The following SPAG16 variants were observed in gnomAD, a reference collection of about 807,000 sequenced individuals.
SPAG16 encodes the protein sperm associated antigen 16.
In SPAG16, 86 loss-of-function variants were observed where a neutral mutation model predicts 80.4. That is an observed-to-expected ratio of 1.07 (90% CI 0.90 to 1.28). The LOEUF (loss-of-function observed/expected upper bound fraction) is 1.28, where lower values mean the gene tolerates loss of function less well. Among genes scored for constraint, SPAG16 ranks in the 50% most tolerant of loss-of-function variants. The pLI, the probability that SPAG16 is intolerant of heterozygous loss-of-function variation, is 0.00. For synonymous variants in SPAG16, 294 were observed against 265.9 expected (o/e 1.11, Z -1.03); for missense variants, 870 against 765.3 (o/e 1.14, Z -1.61).
intron 8 of SPAG16, among the ~76,000 whole-genome samples, chr2:213,371,777 T>C (rs1027297353): frequency 4.6e-5 from 7 of 152,212 alleles, no homozygotes; most frequent in African/African-American, 1.7e-4. Flanking sequence ...GTTAGCAAAG[T>C]ATTTTAAACA....
intron 15 of SPAG16, among the ~76,000 whole-genome samples, chr2:214,376,896 C>T (rs1371446501): frequency 2.0e-5 from 3 of 152,140 alleles, no homozygotes; most frequent in Non-Finnish European, 2.9e-5. Context: ...TGAACTGCCT[C>T]GGTGCACTTA....
intron 10 of SPAG16, among the ~76,000 whole-genome samples, chr2:213,858,614 T>C (rs1346770658): frequency 6.6e-6 from 1 of 152,192 alleles, no homozygotes; most frequent in Non-Finnish European, 1.5e-5. Context: ...CAAGATTGCC[T>C]GATACCTGGA....
chr2:213,772,805 G>A (rs2069332512), intron 10 of SPAG16, among the ~76,000 whole-genome samples: 1 of 152,030 alleles, frequency 6.6e-6, no homozygotes, highest in African/African-American at 2.4e-5. Flanking sequence ...ATCAATTTGA[G>A]GAAAACTGAC....
chr2:213,748,841 T>G (rs2067952648), intron 10 of SPAG16, among the ~76,000 whole-genome samples: 1 of 152,178 alleles, frequency 6.6e-6, no homozygotes. Flanking sequence ...TTTGCCTCAT[T>G]CTTTACCTGT....
At chr2:213,650,540 G>A (rs2062982628) in intron 10 of SPAG16, among the ~76,000 whole-genome samples, 1 of 152,168 alleles carries the variant, frequency 6.6e-6, no homozygotes, top group Non-Finnish European at 1.5e-5. Context: ...AGGGGAATAG[G>A]AAGGGGAAAA....
chr2:214,220,638 T>A (rs952106196), intron 15 of SPAG16, among the ~76,000 whole-genome samples: 1 of 152,136 alleles, frequency 6.6e-6, no homozygotes, highest in Non-Finnish European at 1.5e-5. Context: ...ATGCTAAAAC[T>A]GGATGGCAAA....
chr2:213,648,595 G>GACAC lies in SPAG16; in HGVS notation c.1070+158527_1070+158530dup, dbSNP rs10538676. On this transcript the variant is annotated intron_variant, in intron 10 of 15. Transcript: ENST00000331683. ...ATCAGCCTTGGTGTAGGCACACACAGACACACACACACACACACACACACA... is the reference window on the plus strand; with the variant it reads ...ATCAGCCTTGGTGTAGGCACACACAGACACACACACACACACACACACACACACA... Among the ~76,000 whole-genome samples, 65 of 149,570 alleles carry GACAC rather than the reference G, an allele frequency of 4.3e-4. 1 individual carries two copies. Among genetic ancestry groups the GACAC allele is most frequent in the Admixed American group, 1.8e-3 (27 of 14,994 alleles).
chr2:214,178,229 A>G (rs2057192627), intron 15 of SPAG16, among the ~76,000 whole-genome samples: 1 of 150,636 alleles, frequency 6.6e-6, no homozygotes, highest in South Asian at 2.1e-4. Flanking sequence ...CTTTCTTCAG[A>G]CAGGAGATAT....
At chr2:214,292,998 G>A (rs972788462) in intron 15 of SPAG16, among the ~76,000 whole-genome samples, 1 of 152,168 alleles carries the variant, frequency 6.6e-6, no homozygotes, top group Non-Finnish European at 1.5e-5. Context: ...AGTCTTACTG[G>A]GGACGAGGAT....
chr2:213,673,189 A>G (rs953120793), intron 10 of SPAG16, among the ~76,000 whole-genome samples: 3 of 152,188 alleles, frequency 2.0e-5, no homozygotes, highest in Admixed American at 6.5e-5. Flanking sequence ...GGTAACCTCT[A>G]TAACTGTATT....
intron 13 of SPAG16, among the ~76,000 whole-genome samples, chr2:214,036,846 C>T (rs1341311414): frequency 6.6e-6 from 1 of 152,118 alleles, no homozygotes; most frequent in Non-Finnish European, 1.5e-5. Context: ...TCTCCCATTA[C>T]TTCTTAGTGT....
intron 15 of SPAG16, among the ~76,000 whole-genome samples, chr2:214,158,131 T>G (rs2056294295): frequency 6.6e-6 from 1 of 152,086 alleles, no homozygotes; most frequent in South Asian, 2.1e-4. Flanking sequence ...ATGAATAAAA[T>G]ACAGGTTTTG....
chr2:213,690,696 G>T (rs1317696375), intron 10 of SPAG16, among the ~76,000 whole-genome samples: 1 of 152,194 alleles, frequency 6.6e-6, no homozygotes, highest in South Asian at 2.1e-4. Context: ...TAGGCAGCTT[G>T]TTGAGTCTTT....
intron 10 of SPAG16, among the ~76,000 whole-genome samples, chr2:213,746,872 A>T (rs2067849213): frequency 6.6e-6 from 1 of 152,200 alleles, no homozygotes; most frequent in South Asian, 2.1e-4. Context: ...CCTGATAGTG[A>T]TAATAGATGA....
At chr2:213,743,143 T>C (rs534041074) in intron 10 of SPAG16, among the ~76,000 whole-genome samples, 10 of 152,192 alleles carry the variant, frequency 6.6e-5, no homozygotes, top group Admixed American at 2.6e-4. Context: ...GACCTCGTGA[T>C]CCACCCGCGT....
chr2:213,303,976 G>A (rs2062845625), intron 3 of SPAG16, among the ~76,000 whole-genome samples: 1 of 151,916 alleles, frequency 6.6e-6, no homozygotes, highest in Admixed American at 6.6e-5. Context: ...CTTTATAGTG[G>A]TTGTACTAAT....
At chr2:213,727,959 CTT>C (rs2066848517) in intron 10 of SPAG16, among the ~76,000 whole-genome samples, 2 of 152,078 alleles carry the variant, frequency 1.3e-5, no homozygotes, top group Non-Finnish European at 2.9e-5. Flanking sequence ...AGCGATTCTT[CTT>C]CTTCAGCCTC....
chr2:213,726,999 C>A (rs970456835), intron 10 of SPAG16, among the ~76,000 whole-genome samples: 16 of 152,114 alleles, frequency 1.1e-4, no homozygotes, highest in African/African-American at 3.4e-4. Context: ...AATTCTTATG[C>A]ATTCAATCTT....
intron 14 of SPAG16, among the ~76,000 whole-genome samples, chr2:214,130,131 T>C (rs1285521788): frequency 6.6e-6 from 1 of 152,148 alleles, no homozygotes. Flanking sequence ...CATTCAAACT[T>C]ATTCAGTTCT....
Sources: gnomAD v4.1 joint callset for allele counts (sites outside exome capture counted in the v4.1 genomes callset) on GRCh38, gnomAD v4.1.1 for gene constraint, MANE v1.5 for transcripts, NCBI Gene and HGNC (gene_info 2026-07-23, HGNC 2026-07-21) for gene names.